Variants in AOX1 observed in about 807,000 individuals in gnomAD.
AOX1 encodes the protein aldehyde oxidase.
A neutral mutation model predicts 169.5 loss-of-function variants in AOX1; 153 were observed. That is an observed-to-expected ratio of 0.90 (90% CI 0.79 to 1.03). The LOEUF (loss-of-function observed/expected upper bound fraction) is 1.03. AOX1 is among the 50% of genes least tolerant of loss of function. AOX1 has a pLI of 0.00. For synonymous variants in AOX1, 562 were observed against 581.9 expected (o/e 0.97, Z 0.49); for missense variants, 1,656 against 1,663.9 (o/e 1.00, Z 0.08).
At chr2:200,620,270 C>G (rs985684579) in intron 16 of AOX1, among the ~76,000 whole-genome samples, 2 of 149,322 alleles carry the variant, frequency 1.3e-5, no homozygotes, top group African/African-American at 4.9e-5. Context: ...GTGATCTTGG[C>G]TCGCTGCAAC....
intron 20 of AOX1, among the ~76,000 whole-genome samples, chr2:200,629,542 C>T (rs1323600340): frequency 1.3e-5 from 2 of 152,076 alleles, no homozygotes; most frequent in Admixed American, 1.3e-4. Context: ...TCCCTGTGCC[C>T]TTTTTTAGAA....
At chr2:200,608,217 A>C (rs534470505) in intron 10 of AOX1, among the ~76,000 whole-genome samples, 33 of 152,346 alleles carry the variant, frequency 2.2e-4, no homozygotes, top group African/African-American at 7.5e-4. Context: ...AGAATTCTCT[A>C]AAGTTAATCT....
chr2:200,599,760 G>C lies in AOX1; in HGVS notation c.436+14G>C. The stretch of plus-strand genomic sequence containing the variant: ...ATGCCCTTGGTGGTAGGTTATATAT[G>C]CATGCTTTTATTTTTTAATTTTTAT... On this transcript the variant is annotated intron_variant, in intron 5 of 34. Transcript: ENST00000374700. The C allele has an allele frequency of 2.0e-6, 3 of 1,475,682 alleles. No individual in the cohort carries two copies. The highest frequency in any genetic ancestry group is 2.7e-6 in the Non-Finnish European group (3 of 1,113,922). 91.4% of individuals were successfully genotyped at this position (1,475,682 alleles called of 1,614,324 possible). A position where few individuals can be genotyped will look rare whatever the true frequency, so the allele number is the denominator to read the frequency against.
downstream of AOX1, among the ~76,000 whole-genome samples, chr2:200,671,821 C>T (rs2036032850): frequency 1.3e-5 from 2 of 152,016 alleles, no homozygotes; most frequent in South Asian, 4.1e-4. Flanking sequence ...GGTATATACC[C>T]AAGAGAATTT....
chr2:200,629,742 GT>G (rs2035076544), intron 20 of AOX1, among the ~76,000 whole-genome samples: 1 of 152,142 alleles, frequency 6.6e-6, no homozygotes, highest in Non-Finnish European at 1.5e-5. Flanking sequence ...ATTTAGGGGG[GT>G]TCCTTGTTTC....
chr2:200,677,021 A>G, exon 5 of AOX1: 8 of 434,444 alleles, frequency 1.8e-5, no homozygotes, highest in South Asian at 8.6e-5. Flanking sequence ...ATGGAAGAAC[A>G]GTAAGTTTTC....
At position 200,670,671 on chromosome 2, in the gene AOX1, C is replaced by T. The variant is rs762600309; in HGVS notation, c.4009C>T (p.Pro1337Ser). The T allele has an allele frequency of 4.3e-6, 7 of 1,612,126 alleles. No individual in the cohort carries two copies. The highest frequency in any genetic ancestry group is 5.1e-6 in the Non-Finnish European group (6 of 1,178,802). Residue 1337 changes from proline to serine, a missense_variant, in exon 35 of 35, where the codon CCC becomes TCC. Transcript: ENST00000374700. Reference sequence around the variant, plus strand: ...TGGATCCTACGTTCCTTGGAATGTACCCATCTGAATCAAATGCAAACTTCT... The same window carrying T: ...TGGATCCTACGTTCCTTGGAATGTATCCATCTGAATCAAATGCAAACTTCT... ...EPGSYVPWNV[P>S]I
At chr2:200,622,182 CCTTGTGTTAAG>C (rs1450606665) in intron 18 of AOX1, among the ~76,000 whole-genome samples, 1 of 152,182 alleles carries the variant, frequency 6.6e-6, no homozygotes, top group African/African-American at 2.4e-5. Context: ...GTACTTTCTA[CCTTGTGTTAAG>C]CTTGTTTATT....
At chr2:200,618,469 T>C (rs973382476) in intron 16 of AOX1, among the ~76,000 whole-genome samples, 13 of 152,232 alleles carry the variant, frequency 8.5e-5, no homozygotes, top group Admixed American at 2.0e-4. Context: ...TTTCTGTGCA[T>C]AGTTGTCAGC....
chr2:200,653,957 TTG>T lies in AOX1; in HGVS notation c.3075+2762_3075+2763del, dbSNP rs532464933. On this transcript the variant is annotated intron_variant, in intron 26 of 34. Transcript: ENST00000374700. ...TAAGACAGCAAACTTAATAAATGTT[TTG>T]TGTGTTCTGACTGCTCCACAAATAG... Among the ~76,000 whole-genome samples the T allele has an allele frequency of 1.6e-3, 237 of 152,208 alleles. 2 individuals are homozygous for T. Among genetic ancestry groups the T allele is most frequent in the Non-Finnish European group, 3.8e-4 (26 of 67,994 alleles).
intron 3 of AOX1, 136 bp from the exon 4 acceptor site, chr2:200,597,261 G>A: frequency 3.8e-6 from 2 of 528,424 alleles, no homozygotes; most frequent in South Asian, 3.4e-5. Flanking sequence ...CCTGAGCTAA[G>A]GAGGAAATGT....
intron 4 of AOX1, among the ~76,000 whole-genome samples, chr2:200,598,599 T>C (rs974621422): frequency 6.6e-6 from 1 of 152,016 alleles, no homozygotes; most frequent in Admixed American, 6.6e-5. Flanking sequence ...AAAAATTAGC[T>C]GGGCATGGTG....
At position 200,595,317 on chromosome 2, in the gene AOX1, G is replaced by T; in HGVS notation, c.149G>T (p.Gly50Val). Residue 50 changes from glycine (G) to valine (V), a missense_variant, in exon 3 of 35, where the codon GGT (glycine) becomes GTT (valine). Gly to Val is a moderately radical substitution (Grantham distance 109). Coordinates refer to ENST00000374700, the MANE Select transcript of AOX1 (RefSeq NM_001159.4). The stretch of plus-strand genomic sequence containing the variant: ...TATGGCTGTGGAGGAGGAGGCTGTG[G>T]TGCTTGTACAGTGATGATATCACGA... ...TKYGCGGGGC[G>V]ACTVMISRYN... 1.2e-6 allele frequency: 2 copies of T among 1,613,222 alleles called. No individual in the cohort carries two copies.
intron 26 of AOX1, among the ~76,000 whole-genome samples, chr2:200,654,414 T>C (rs1423375874): frequency 2.0e-5 from 3 of 152,134 alleles, no homozygotes; most frequent in African/African-American, 7.2e-5. Context: ...TGTACAATCT[T>C]TTTAGACATA....
intron 29 of AOX1, 35 bp from the exon 30 acceptor site, chr2:200,661,544 T>A: frequency 6.4e-7 from 1 of 1,566,868 alleles, no homozygotes; most frequent in East Asian, 2.2e-5. Context: ...TCTTTGGGCA[T>A]CCTTGTTGCA....
At chr2:200,599,530 C>A in intron 4 of AOX1, 90 bp from the exon 5 acceptor site, 1 of 1,063,638 alleles carries the variant, frequency 9.4e-7, no homozygotes, top group South Asian at 1.9e-5. Flanking sequence ...AGACAAATCA[C>A]CTGGGGATCT....
chr2:200,612,646 A>G lies in AOX1; in HGVS notation c.1301A>G (p.Gln434Arg). 1 of 1,614,088 alleles carries G rather than the reference A, an allele frequency of 6.2e-7. No individual in the cohort carries two copies. Among genetic ancestry groups the G allele is most frequent in the African/African-American group, 1.3e-5 (1 of 75,064 alleles). ...FVSAFRQAQR[Q>R]ENALAIVNSG... ...TCAGCCTTCCGACAAGCCCAGCGAC[A>G]GGAGAATGCGCTAGCGATAGTCAAT... is the stretch of plus-strand genomic sequence containing the variant. Residue 434 changes from glutamine (Q) to arginine (R), a missense_variant, in exon 14 of 35, where the codon CAG (glutamine) becomes CGG (arginine). Physicochemically the swap from Gln to Arg is conservative, Grantham distance 43. Coordinates refer to ENST00000374700, the MANE Select transcript of AOX1 (RefSeq NM_001159.4).
intron 16 of AOX1, 104 bp downstream of exon 16, chr2:200,616,167 A>G (rs2034753858): frequency 7.5e-6 from 6 of 800,452 alleles, no homozygotes; most frequent in African/African-American, 1.7e-5. Flanking sequence ...TGTAAGTCCA[A>G]GCTCCACTTC....
At chr2:200,608,942 G>T (rs1419909036) in intron 10 of AOX1, 42 bp from the exon 11 acceptor site, 14 of 1,581,508 alleles carry the variant, frequency 8.9e-6, no homozygotes, top group Non-Finnish European at 1.1e-5. Context: ...TTTCAGATCA[G>T]CAGTGATCGC....
Sources: gnomAD v4.1 joint callset for allele counts (sites outside exome capture counted in the v4.1 genomes callset) on GRCh38, gnomAD v4.1.1 for gene constraint, MANE v1.5 for transcripts, NCBI Gene and HGNC (gene_info 2026-07-23, HGNC 2026-07-21) for gene names.